Variants in FTH1 observed in about 807,000 individuals in gnomAD.
The protein encoded by FTH1 is ferritin heavy chain 1.
In FTH1, 3 loss-of-function variants were observed where a neutral mutation model predicts 21.8. That is an observed-to-expected ratio of 0.14 (90% CI 0.06 to 0.36). The LOEUF (loss-of-function observed/expected upper bound fraction) is 0.36, where lower values mean the gene tolerates loss of function less well. Among genes scored for constraint, FTH1 ranks in the 10% least tolerant of loss-of-function variants. The pLI, the probability that FTH1 is intolerant of heterozygous loss-of-function variation, is 1.00. For synonymous variants in FTH1, 83 were observed against 90.1 expected, an observed-to-expected ratio of 0.92 and a Z score of 0.45; for missense variants, 147 against 225.8, an observed-to-expected ratio of 0.65 and a Z score of 2.24.
chr11:61,967,261 C>CCCGGGAACCGCG (rs1300079941), intron 1 of FTH1, 51 bp downstream of exon 1: 2 of 1,262,452 alleles, frequency 1.6e-6, no homozygotes, highest in Non-Finnish European at 2.2e-6. Context: ...CAGCGCGCGC[C>CCCGGGAACCGCG]CCGGGAACCG....
intron 1 of FTH1, among the ~76,000 whole-genome samples, chr11:61,966,118 A>C (rs532238231): frequency 2.9e-4 from 44 of 151,994 alleles, no homozygotes; most frequent in African/African-American, 1.0e-3. Context: ...ACTAAAAATA[A>C]AAAAAAATAG....
chr11:61,964,944 C>G, intron 3 of FTH1, 43 bp downstream of exon 3: 1 of 1,614,026 alleles, frequency 6.2e-7, no homozygotes, highest in Non-Finnish European at 8.5e-7. Context: ...ATCCCTAAGG[C>G]AAATGATTTC....
At chr11:61,967,242 G>C (rs1264814991) in intron 1 of FTH1, 70 bp downstream of exon 1, 1 of 976,220 alleles carries the variant, frequency 1.0e-6, no homozygotes, top group Non-Finnish European at 1.5e-6. Flanking sequence ...CCACACCCCC[G>C]GCCCGCCCCA....
At chr11:61,965,199 G>C in intron 2 of FTH1, 87 bp from the exon 3 acceptor site, 2 of 1,596,134 alleles carry the variant, frequency 1.3e-6, no homozygotes, top group South Asian at 1.1e-5. Flanking sequence ...TTTGGCAAAA[G>C]GGACATTACT....
intron 1 of FTH1, 127 bp downstream of exon 1, chr11:61,967,185 C>T (rs1942479301): frequency 1.8e-5 from 9 of 490,858 alleles, no homozygotes; most frequent in Non-Finnish European, 3.2e-5. Context: ...CTCGAGCAGC[C>T]TCCATTTTCC....
chr11:61,965,546 A>G (rs775027611), intron 1 of FTH1, 31 bp from the exon 2 acceptor site: 1 of 1,598,772 alleles, frequency 6.3e-7, no homozygotes, highest in Admixed American at 1.7e-5. Context: ...GTGTTATACT[A>G]GGGATCCCCA....
chr11:61,967,437 A>C lies in FTH1; in HGVS notation c.-12T>G. 3 of 1,579,460 alleles carry C rather than the reference A, an allele frequency of 1.9e-6. No homozygotes were observed. The highest frequency in any genetic ancestry group is 2.6e-6 in the Non-Finnish European group (3 of 1,161,438). Reference sequence around the variant, plus strand: ...GACGCGGTCGTCATGGCGGCGACTAAGGAGAGGCGGCGGCGGCGGCGGTGG... The same window carrying C: ...GACGCGGTCGTCATGGCGGCGACTACGGAGAGGCGGCGGCGGCGGCGGTGG... On this transcript the variant is annotated 5_prime_UTR_variant, in exon 1 of 4. Transcript: ENST00000273550.
chr11:61,964,388 C>G lies in FTH1; in HGVS notation c.*339G>C. On this transcript the variant is annotated 3_prime_UTR_variant, in exon 4 of 4. Coordinates refer to ENST00000273550, the MANE Select transcript of FTH1 (RefSeq NM_002032.3). ...GATTCAGAGTCGGGAACCCTTAGTTCTATCTGAATCCAAGACAGCCACACC... is the reference window on the plus strand; with the variant it reads ...GATTCAGAGTCGGGAACCCTTAGTTGTATCTGAATCCAAGACAGCCACACC... The G allele has an allele frequency of 1.5e-6, 1 of 674,960 alleles. No individual in the cohort carries two copies. The allele number at this position is 674,960 out of a possible 1,614,324, so 41.8% of individuals were successfully genotyped here.
At chr11:61,964,934 A>G (rs747099089) in intron 3 of FTH1, 43 bp from the exon 4 acceptor site, 4 of 1,613,848 alleles carry the variant, frequency 2.5e-6, no homozygotes, top group South Asian at 2.2e-5. Flanking sequence ...AGCTTTCCCA[A>G]TCCCTAAGGC....
At chr11:61,966,423 T>C (rs1328692146) in intron 1 of FTH1, among the ~76,000 whole-genome samples, 3 of 152,232 alleles carry the variant, frequency 2.0e-5, no homozygotes, top group Non-Finnish European at 2.9e-5. Context: ...TGAAAGGCAG[T>C]GACAGTCACA....
intron 1 of FTH1, 144 bp from the exon 2 acceptor site, chr11:61,965,659 TGGG>T: frequency 1.2e-6 from 1 of 839,518 alleles, no homozygotes. Flanking sequence ...CTAAGGAGAC[TGGG>T]GGGCAGATGA....
chr11:61,967,163 G>A lies in FTH1; in HGVS notation c.114+149C>T, dbSNP rs114039236. On this transcript the variant is annotated intron_variant, in intron 1 of 3. Transcript: ENST00000273550. ...TGCCCCGACTTTCTGCGCCAGAGAA[G>A]TCCTCGGAAACCTCGAGCAGCCTCC... The A allele has an allele frequency of 7.7e-3, 3,537 of 457,486 alleles. 111 individuals are homozygous for A. Among genetic ancestry groups the A allele is most frequent in the African/African-American group, 0.069 (3,277 of 47,414 alleles). 28.3% of individuals were successfully genotyped at this position (457,486 alleles called of 1,614,324 possible).
rs1249146672 is a variant in FTH1, at chr11:61,965,596, G to T, written c.115-81C>A. The T allele has an allele frequency of 2.7e-6, 4 of 1,498,460 alleles. No individual in the cohort carries two copies. The East Asian group carries it at 9.0e-5, about 34-fold the overall frequency. The allele number at this position is 1,498,460 out of a possible 1,614,324, so 92.8% of individuals were successfully genotyped here. ...TGACGATCTACAGGGAGGCAAGATG[G>T]TCTCGTCAGCCTAGGCTTCCTTTCT... On this transcript the variant is annotated intron_variant, in intron 1 of 3. Coordinates refer to ENST00000273550, the MANE Select transcript of FTH1 (RefSeq NM_002032.3).
At chr11:61,965,143 C>G in intron 2 of FTH1, 31 bp from the exon 3 acceptor site, 1 of 1,602,502 alleles carries the variant, frequency 6.2e-7, no homozygotes, top group Non-Finnish European at 8.5e-7. Flanking sequence ...GCATCTCTAC[C>G]AACTAACCTA....
chr11:61,965,354 G>A lies in FTH1; in HGVS notation c.261+15C>T. ...CAGATGATGAAGTATGACACCCCTAGGATCTTTTGTTCACCTTGATATCCT... is the reference window on the plus strand; with the variant it reads ...CAGATGATGAAGTATGACACCCCTAAGATCTTTTGTTCACCTTGATATCCT... On this transcript the variant is annotated intron_variant, in intron 2 of 3. Coordinates refer to ENST00000273550, the MANE Select transcript of FTH1 (RefSeq NM_002032.3). 2 of 1,609,162 alleles carry A rather than the reference G, an allele frequency of 1.2e-6. No homozygotes were observed. The highest frequency in any genetic ancestry group is 2.0e-4 in the Middle Eastern group (1 of 4,960).
chr11:61,964,563 C>G lies in FTH1; in HGVS notation c.*164G>C. On this transcript the variant is annotated 3_prime_UTR_variant, in exon 4 of 4. Coordinates refer to ENST00000273550, the MANE Select transcript of FTH1 (RefSeq NM_002032.3). ...TCATCCCAAGACCTCAAAGACAACA[C>G]CTGGGTACCAAATTTCTTTATTTGA... The G allele has an allele frequency of 1.2e-6, 1 of 822,992 alleles. No homozygotes were observed. The highest frequency in any genetic ancestry group is 1.9e-6 in the Non-Finnish European group (1 of 513,056). 51.0% of individuals were successfully genotyped at this position (822,992 alleles called of 1,614,324 possible). A position where few individuals can be genotyped will look rare whatever the true frequency, so the allele number is the denominator to read the frequency against.
rs775515361 is a variant in FTH1 at position 61,964,688 on chromosome 11, G to A, written c.*39C>T. ...ATGCATGCACTGCCTTGGTGACCAG[G>A]GAAGTCACCCCACGGCTATGGGGAA... On this transcript the variant is annotated 3_prime_UTR_variant, in exon 4 of 4. Transcript: ENST00000273550. 12 of 1,591,716 alleles carry A rather than the reference G, an allele frequency of 7.5e-6. No homozygotes were observed. In the South Asian group the frequency reaches 1.2e-4, roughly 16 times the overall value.
At chr11:61,967,143 C>G (rs2134489855) in intron 1 of FTH1, 169 bp downstream of exon 1, 1 of 441,248 alleles carries the variant, frequency 2.3e-6, no homozygotes, top group East Asian at 4.2e-5. Context: ...CCAGCTGCCC[C>G]GACTTTCTGC....
intron 1 of FTH1, 86 bp from the exon 2 acceptor site, chr11:61,965,601 G>T: frequency 6.9e-7 from 1 of 1,453,112 alleles, no homozygotes; most frequent in Non-Finnish European, 9.5e-7. Context: ...AGATGGTCTC[G>T]TCAGCCTAGG....
Sources: gnomAD v4.1 joint callset for allele counts (sites outside exome capture counted in the v4.1 genomes callset) on GRCh38, gnomAD v4.1.1 for gene constraint, MANE v1.5 for transcripts, NCBI Gene and HGNC (gene_info 2026-07-23, HGNC 2026-07-21) for gene names.